Variants in SH2D4A observed in about 807,000 individuals in gnomAD.
The protein encoded by SH2D4A is SH2 domain containing 4A.
Under a neutral mutation model 64.7 loss-of-function variants are expected in SH2D4A, and 70 were observed. The observed-to-expected ratio is 1.08, with a 90% CI of 0.89 to 1.32. SH2D4A has a LOEUF of 1.32. SH2D4A is among the 40% of genes most tolerant of loss of function. The probability of loss-of-function intolerance (pLI) is 0.00; values close to 1 mark genes in which losing one functional copy is unlikely to be tolerated. For synonymous variants in SH2D4A, 268 were observed against 200.7 expected (o/e 1.34, Z -2.83); for missense variants, 706 against 540.1 (o/e 1.31, Z -3.04).
At chr8:19,325,288 T>C (rs148784995) in intron 2 of SH2D4A, among the ~76,000 whole-genome samples, 26 of 152,344 alleles carry the variant, frequency 1.7e-4, no homozygotes, top group Admixed American at 5.9e-4. Context: ...TCTGTTAGGA[T>C]GTGCCAAGCA....
At chr8:19,329,015 A>G (rs924421284) in intron 2 of SH2D4A, among the ~76,000 whole-genome samples, 4 of 152,148 alleles carry the variant, frequency 2.6e-5, no homozygotes, top group Non-Finnish European at 5.9e-5. Flanking sequence ...TGTGATGGTC[A>G]GCCTATGCCA....
At position 19,373,567 on chromosome 8, in the gene SH2D4A, C is replaced by G. The variant is rs560624372; in HGVS notation, c.955C>G (p.Gln319Glu). 6.2e-7 allele frequency: 1 copy of G among 1,613,012 alleles called. No homozygotes were observed. The highest frequency in any genetic ancestry group is 1.7e-5 in the Admixed American group (1 of 59,906). ...GVVRTLSSSA[Q>E]EDIIRWFKEE... is the part of the protein sequence containing the mutation. ...GGTGAGGACACTGTCCAGCTCTGCC[C>G]AAGAGGACATCATCCGGTGGTTTAA... Residue 319 changes from glutamine (Q) to glutamate (E), a missense_variant, in exon 8 of 10, where the codon CAA becomes GAA. By Grantham distance (29) the Gln-to-Glu change is conservative (BLOSUM62 2). Transcript: ENST00000265807.
At position 19,361,245 on chromosome 8, in the gene SH2D4A, C is replaced by G. The variant is rs1466796227; in HGVS notation, c.637C>G (p.Gln213Glu). 2.5e-6 allele frequency: 4 copies of G among 1,600,042 alleles called. No individual in the cohort carries two copies. The highest frequency in any genetic ancestry group is 3.4e-6 in the Non-Finnish European group (4 of 1,170,898). ...GAAAAAACAAGATGAAGAAATAAAT[C>G]AAATAGAAGAAGAGAGAACGAAGCA... ...MKKKQDEEIN[Q>E]IEEERTKQIC... Residue 213 changes from glutamine (Q) to glutamate (E), a missense_variant, in exon 6 of 10, where the codon CAA (glutamine) becomes GAA (glutamate). Coordinates refer to ENST00000265807, the MANE Select transcript of SH2D4A (RefSeq NM_022071.4).
chr8:19,380,200 T>C (rs1045561244), intron 8 of SH2D4A, among the ~76,000 whole-genome samples: 4 of 152,232 alleles, frequency 2.6e-5, no homozygotes, highest in Non-Finnish European at 2.9e-5. Flanking sequence ...TTACTTGAAC[T>C]CTTTGCCCAG....
At chr8:19,387,549 A>G (rs1341496245) in intron 8 of SH2D4A, among the ~76,000 whole-genome samples, 1 of 152,208 alleles carries the variant, frequency 6.6e-6, no homozygotes, top group African/African-American at 2.4e-5. Flanking sequence ...CATGGCCATC[A>G]CATGCTTTTT....
chr8:19,350,682 C>T (rs927320911), intron 4 of SH2D4A, among the ~76,000 whole-genome samples: 1 of 152,116 alleles, frequency 6.6e-6, no homozygotes, highest in Non-Finnish European at 1.5e-5. Flanking sequence ...CAGGGTTTCA[C>T]CATGTTGCCC....
intron 4 of SH2D4A, among the ~76,000 whole-genome samples, chr8:19,340,601 C>CTTTTTTTTTTTTTTTTTTTTTTTTTTT: frequency 9.9e-6 from 1 of 100,532 alleles, no homozygotes; most frequent in Non-Finnish European, 2.0e-5. Context: ...TTCTTTCTTT[C>CTTTTTTTTTTTTTTTTTTTTTTTTTTT]TTTTTTTTTT....
rs572781217 is a variant in SH2D4A at position 19,354,032 on chromosome 8, C to T, written c.514-3171C>T. Among the ~76,000 whole-genome samples the T allele has an allele frequency of 2.0e-5, 3 of 149,202 alleles. No individual in the cohort carries two copies. The South Asian group carries it at 6.4e-4, about 32-fold the overall frequency. On this transcript the variant is annotated intron_variant, in intron 4 of 9. Transcript: ENST00000265807. ...TTTTTGACACGGAGTCTCACGGTCA[C>T]CAGGCTAGAGTTCAGTGGCACAATC...
rs200152988 is a variant in SH2D4A at position 19,393,300 on chromosome 8, T to A, written c.1049-18T>A. On this transcript the variant is annotated intron_variant, in intron 8 of 9. Coordinates refer to ENST00000265807, the MANE Select transcript of SH2D4A (RefSeq NM_022071.4). Reference sequence around the variant, plus strand: ...AATGATTTGGCTGAAATACCTGCCTTTTTTTGCTTTGCCACAGGAATTCTC... The same window carrying A: ...AATGATTTGGCTGAAATACCTGCCTATTTTTGCTTTGCCACAGGAATTCTC... 2.6e-4 allele frequency: 425 copies of A among 1,613,548 alleles called. 3 individuals are homozygous for A. The East Asian group carries it at 8.4e-3, about 32-fold the overall frequency.
chr8:19,314,134 G>A (rs1244419272), intron 1 of SH2D4A: 15 of 1,105,776 alleles, frequency 1.4e-5, no homozygotes, highest in South Asian at 4.3e-5. Context: ...GGGGAACTTC[G>A]AGGGAGAGGG....
At chr8:19,386,075 A>G (rs986142857) in intron 8 of SH2D4A, among the ~76,000 whole-genome samples, 18 of 152,334 alleles carry the variant, frequency 1.2e-4, no homozygotes, top group African/African-American at 3.6e-4. Flanking sequence ...CAACAATCAT[A>G]TATCACTGCC....
chr8:19,388,748 A>C (rs2053432510), intron 8 of SH2D4A, among the ~76,000 whole-genome samples: 1 of 152,226 alleles, frequency 6.6e-6, no homozygotes, highest in Non-Finnish European at 1.5e-5. Context: ...GGCTGCACGG[A>C]AGTGTCCCAC....
At chr8:19,332,015 C>T (rs1304052380) in intron 2 of SH2D4A, among the ~76,000 whole-genome samples, 3 of 152,110 alleles carry the variant, frequency 2.0e-5, no homozygotes, top group Non-Finnish European at 4.4e-5. Context: ...ATTAGCTGGG[C>T]ATGGTAATGC....
chr8:19,344,408 C>T (rs1284565502), intron 4 of SH2D4A, among the ~76,000 whole-genome samples: 4 of 152,294 alleles, frequency 2.6e-5, no homozygotes, highest in South Asian at 4.1e-4. Flanking sequence ...TTATGCTTTC[C>T]GAGTGGCCCC....
chr8:19,347,010 G>C (rs1332355179), intron 4 of SH2D4A, among the ~76,000 whole-genome samples: 3 of 152,206 alleles, frequency 2.0e-5, no homozygotes, highest in Non-Finnish European at 4.4e-5. Flanking sequence ...ATCTAGGTTA[G>C]AACTGAGTAT....
chr8:19,352,768 A>G (rs908555103), intron 4 of SH2D4A, among the ~76,000 whole-genome samples: 11 of 152,052 alleles, frequency 7.2e-5, no homozygotes, highest in Non-Finnish European at 1.5e-4. Context: ...GCACTTTGGG[A>G]GGCTGAGGTG....
rs561653727 is a variant in SH2D4A at position 19,342,360 on chromosome 8, A to G, written c.513+7503A>G. On this transcript the variant is annotated intron_variant, in intron 4 of 9. Coordinates refer to ENST00000265807, the MANE Select transcript of SH2D4A (RefSeq NM_022071.4). Reference sequence around the variant, plus strand: ...TTATCCTTCCTCTTTACTCACTAGAATTTTGAATAGGATAAAATCAGGTTA... The same window carrying G: ...TTATCCTTCCTCTTTACTCACTAGAGTTTTGAATAGGATAAAATCAGGTTA... 2.0e-5 allele frequency among the ~76,000 whole-genome samples: 3 copies of G among 152,316 alleles called. No homozygotes were observed. In the East Asian group the frequency reaches 5.8e-4, roughly 29 times the overall value.
chr8:19,364,278 C>T lies in SH2D4A; in HGVS notation c.913C>T (p.Leu305Phe). ...LNSGAYPQKPLRNQGVVRTLS... is the reference protein window; with the variant it reads ...LNSGAYPQKPFRNQGVVRTLS... ...CTCAGGGGCATATCCTCAAAAACCT[C>T]TTAGGTAAGAAGCCACACAGATGGG... The change falls in exon 7 of 10, where the codon CTT becomes TTT. Residue 305 changes from leucine (L) to phenylalanine (F), a missense_variant. Transcript: ENST00000265807. 1 of 1,614,068 alleles carries T rather than the reference C, an allele frequency of 6.2e-7. No individual in the cohort carries two copies. The highest frequency in any genetic ancestry group is 8.5e-7 in the Non-Finnish European group (1 of 1,179,974).
intron 4 of SH2D4A, among the ~76,000 whole-genome samples, chr8:19,337,388 A>G (rs950933702): frequency 1.2e-4 from 18 of 152,182 alleles, no homozygotes; most frequent in Admixed American, 6.5e-5. Context: ...CCCGAAATTT[A>G]TGTCCACCTA....
Sources: allele counts gnomAD v4.1 joint callset (sites outside exome capture counted in the v4.1 genomes callset), GRCh38; gene constraint gnomAD v4.1.1; transcripts MANE v1.5; gene names NCBI Gene and HGNC (gene_info 2026-07-23, HGNC 2026-07-21).